Variants in RBMS3 observed in about 807,000 individuals in gnomAD.
RBMS3 encodes RNA-binding motif, single-stranded-interacting protein 3.
In RBMS3, 27 loss-of-function variants were observed where a neutral mutation model predicts 66.8. That is an observed-to-expected ratio of 0.40 (90% CI 0.30 to 0.56). The LOEUF (loss-of-function observed/expected upper bound fraction) is 0.56, where lower values mean the gene tolerates loss of function less well. RBMS3 is among the 20% of genes least tolerant of loss of function. The pLI is 0.40. For synonymous variants in RBMS3, 188 were observed against 183.0 expected (o/e 1.03, Z -0.22); for missense variants, 513 against 549.5 (o/e 0.93, Z 0.66).
rs189438064 is a variant in RBMS3 at position 29,859,196 on chromosome 3, A to C, written c.638-9662A>C. ...TAAATATAATCCAGGTGATTTGTTT[A>C]TTATTTTAAAACAAGCCATTATTAG... On this transcript the variant is annotated intron_variant, in intron 6 of 14. Coordinates refer to ENST00000383767, the MANE Select transcript of RBMS3 (RefSeq NM_001003793.3). Among the ~76,000 whole-genome samples, 13 of 152,294 alleles carry C rather than the reference A, an allele frequency of 8.5e-5. No individual in the cohort carries two copies. The East Asian group carries it at 2.5e-3, about 29-fold the overall frequency.
intron 1 of RBMS3, among the ~76,000 whole-genome samples, chr3:29,330,745 G>A (rs539585126): frequency 1.7e-4 from 26 of 152,202 alleles, no homozygotes; most frequent in Non-Finnish European, 2.9e-4. Flanking sequence ...CTTCTAGAGG[G>A]GGAATAATTA....
In RBMS3 at chr3:29,899,740, C is replaced by A. The variant is rs372230386; in HGVS notation, c.924C>A (p.Tyr308Ter). The change falls in exon 10 of 15, where the codon TAC (tyrosine) becomes TAA (stop). Residue 308 changes from tyrosine (Y) to a stop codon, truncating the protein, a stop_gained. Transcript: ENST00000383767. LOFTEE classifies it high-confidence loss of function. The part of the protein sequence containing the change: ...QSTSWMPHPP[Y>*]VMQPTGAVIT... ...CTTCATGGATGCCTCATCCGCCATA[C>A]GTTATGCAACCAACAGTAAGTGTTC... 1 of 1,610,206 alleles carries A rather than the reference C, an allele frequency of 6.2e-7. No homozygotes were observed. The highest frequency in any genetic ancestry group is 1.3e-5 in the African/African-American group (1 of 74,686).
In RBMS3 at chr3:29,897,411, A is replaced by G. The variant is rs2060148068; in HGVS notation, c.824A>G (p.Asn275Ser). ...FYSSPYSIAT[N>S]RMIPQTSITP... ...TCTTCACCGTACAGTATTGCAACCAACCGCATGATTCCACAGACATCTATC... is the reference window on the plus strand; with the variant it reads ...TCTTCACCGTACAGTATTGCAACCAGCCGCATGATTCCACAGACATCTATC... Residue 275 changes from asparagine (N) to serine (S), a missense_variant, in exon 9 of 15, where the codon AAC becomes AGC. By Grantham distance (46) the Asn-to-Ser change is conservative. Coordinates refer to ENST00000383767, the MANE Select transcript of RBMS3 (RefSeq NM_001003793.3). The G allele has an allele frequency of 6.2e-7, 1 of 1,610,760 alleles. No homozygotes were observed. Among genetic ancestry groups the G allele is most frequent in the Non-Finnish European group, 8.5e-7 (1 of 1,177,954 alleles).
chr3:29,398,969 G>C (rs1231743106), intron 1 of RBMS3, among the ~76,000 whole-genome samples: 1 of 152,134 alleles, frequency 6.6e-6, no homozygotes, highest in Non-Finnish European at 1.5e-5. Flanking sequence ...TTGTGAGTGT[G>C]AATCACTTAG....
At chr3:29,697,009 A>T in intron 4 of RBMS3, 2 of 985,260 alleles carry the variant, frequency 2.0e-6, no homozygotes, top group Non-Finnish European at 2.4e-6. Flanking sequence ...CTAACTTGCT[A>T]CAAAGGAGGA....
chr3:29,689,053 A>G (rs1181086021), intron 4 of RBMS3, among the ~76,000 whole-genome samples: 1 of 152,140 alleles, frequency 6.6e-6, no homozygotes, highest in Non-Finnish European at 1.5e-5. Context: ...AAAAAAATAC[A>G]CATCTATATC....
intron 6 of RBMS3, among the ~76,000 whole-genome samples, chr3:29,863,230 G>A (rs1195039786): frequency 6.6e-6 from 1 of 151,324 alleles, no homozygotes; most frequent in Non-Finnish European, 1.5e-5. Flanking sequence ...GGTGGGGGGA[G>A]AGGGGGAGGG....
intron 3 of RBMS3, among the ~76,000 whole-genome samples, chr3:29,561,862 T>C (rs1347787583): frequency 1.3e-5 from 2 of 152,226 alleles, no homozygotes; most frequent in African/African-American, 2.4e-5. Context: ...TTTGGCCACA[T>C]GTATTTCTTC....
At chr3:29,744,915 T>G (rs1034543406) in intron 5 of RBMS3, among the ~76,000 whole-genome samples, 7 of 152,202 alleles carry the variant, frequency 4.6e-5, no homozygotes, top group Admixed American at 2.0e-4. Context: ...ATTTTTTCAG[T>G]GGACTTCATT....
At chr3:29,755,787 A>T (rs2055384856) in intron 5 of RBMS3, among the ~76,000 whole-genome samples, 1 of 152,202 alleles carries the variant, frequency 6.6e-6, no homozygotes, top group Admixed American at 6.5e-5. Flanking sequence ...CTTTCTTTCA[A>T]GCTTCCATAG....
chr3:29,356,012 A>C lies in RBMS3; in HGVS notation c.75+74256A>C, dbSNP rs566583093. ...ATAACTTAATTCTGCCCATTCAAGA[A>C]CCTCATTTTAAACCTTACAAAACCA... On this transcript the variant is annotated intron_variant, in intron 1 of 14. Transcript: ENST00000383767. Among the ~76,000 whole-genome samples the C allele has an allele frequency of 9.2e-5, 14 of 152,208 alleles. No homozygotes were observed. In the East Asian group the frequency reaches 2.5e-3, roughly 27 times the overall value.
chr3:29,536,270 T>G (rs539647183), intron 3 of RBMS3, among the ~76,000 whole-genome samples: 1 of 152,272 alleles, frequency 6.6e-6, no homozygotes, highest in African/African-American at 2.4e-5. Flanking sequence ...GGAAGCTTGA[T>G]ATGCAAGGGA....
chr3:29,477,636 A>C (rs928484754), intron 2 of RBMS3, among the ~76,000 whole-genome samples: 1 of 152,178 alleles, frequency 6.6e-6, no homozygotes, highest in African/African-American at 2.4e-5. Context: ...AGATATGCCC[A>C]AAATCCTATT....
At chr3:29,520,490 G>A (rs1397214367) in intron 3 of RBMS3, among the ~76,000 whole-genome samples, 1 of 152,122 alleles carries the variant, frequency 6.6e-6, no homozygotes, top group Non-Finnish European at 1.5e-5. Context: ...TGCAAAAGAT[G>A]TTTTCAGTGA....
At chr3:29,953,222 T>G (rs900214039) in intron 12 of RBMS3, among the ~76,000 whole-genome samples, 6 of 151,890 alleles carry the variant, frequency 4.0e-5, no homozygotes, top group Non-Finnish European at 8.8e-5. Flanking sequence ...TTGTGTGTCT[T>G]AAGTGTTATT....
At chr3:29,287,125 A>G (rs556862346) in intron 1 of RBMS3, among the ~76,000 whole-genome samples, 1 of 152,212 alleles carries the variant, frequency 6.6e-6, no homozygotes, top group African/African-American at 2.4e-5. Context: ...ATGTGTTGCT[A>G]TTTTTTGCAG....
At chr3:29,963,576 C>A (rs925565383) in intron 12 of RBMS3, among the ~76,000 whole-genome samples, 4 of 152,026 alleles carry the variant, frequency 2.6e-5, no homozygotes, top group African/African-American at 9.7e-5. Flanking sequence ...GCCTGTAATC[C>A]CAGCACTGTG....
chr3:29,379,723 C>T, intron 1 of RBMS3, among the ~76,000 whole-genome samples: 1 of 152,162 alleles, frequency 6.6e-6, no homozygotes, highest in Non-Finnish European at 1.5e-5. Context: ...CTATGTCAAC[C>T]TCATTGACTG....
chr3:29,432,699 A>G (rs1289801006), intron 1 of RBMS3, among the ~76,000 whole-genome samples: 1 of 152,212 alleles, frequency 6.6e-6, no homozygotes, highest in Non-Finnish European at 1.5e-5. Context: ...ATAAGCCAAA[A>G]ATAATTAAAT....
Sources: allele counts gnomAD v4.1 joint callset (sites outside exome capture counted in the v4.1 genomes callset), GRCh38; gene constraint gnomAD v4.1.1; transcripts MANE v1.5; gene names NCBI Gene and HGNC (gene_info 2026-07-23, HGNC 2026-07-21).